JADE1: variants seen among roughly 807,000 people sequenced by gnomAD.
JADE1 encodes the protein jade family PHD finger 1, also known as protein Jade-1.
A neutral mutation model predicts 81.8 loss-of-function variants in JADE1; 14 were observed. The observed-to-expected ratio is 0.17, with a 90% CI of 0.11 to 0.27. JADE1 has a LOEUF of 0.27. Among genes scored for constraint, JADE1 ranks in the 10% least tolerant of loss-of-function variants. The pLI, the probability that JADE1 is intolerant of heterozygous loss-of-function variation, is 1.00. For synonymous variants in JADE1, 353 were observed against 391.9 expected, an observed-to-expected ratio of 0.90 and a Z score of 1.17; for missense variants, 690 against 1,047.9, an observed-to-expected ratio of 0.66 and a Z score of 4.71.
chr4:128,872,428 T>C lies in JADE1; in HGVS notation c.*166T>C. On this transcript the variant is annotated 3_prime_UTR_variant, in exon 11 of 11. Coordinates refer to ENST00000226319, the MANE Select transcript of JADE1 (RefSeq NM_199320.4). ...CAGAGTCATTTTTAAATCATTTTTG[T>C]GAGAAGTTTGTGTTATTTGCAACTT... 6.3e-6 allele frequency: 4 copies of C among 635,340 alleles called. No individual in the cohort carries two copies. The South Asian group carries it at 9.1e-5, about 14-fold the overall frequency. 39.4% of individuals were successfully genotyped at this position (635,340 alleles called of 1,614,324 possible).
At position 128,861,727 on chromosome 4, in the gene JADE1, A is replaced by G; in HGVS notation, c.1005A>G (p.Thr335=). 6.2e-7 allele frequency: 1 copy of G among 1,614,226 alleles called. No homozygotes were observed. Among genetic ancestry groups the G allele is most frequent in the African/African-American group, 1.3e-5 (1 of 75,070 alleles). The change falls in exon 9 of 11, where the codon ACA becomes ACG. Residue 335 remains threonine, a synonymous_variant. Transcript: ENST00000226319. ...AGTGCTCTGTGAAGAACTGCCGCACAGCCTTCCATGTGACCTGTGCTTTTG... is the reference window on the plus strand; with the variant it reads ...AGTGCTCTGTGAAGAACTGCCGCACGGCCTTCCATGTGACCTGTGCTTTTG... The part of the protein sequence containing the change: ...SIQCSVKNCR[T]AFHVTCAFDR...
chr4:128,863,952 T>G, intron 9 of JADE1: 1 of 982,666 alleles, frequency 1.0e-6, no homozygotes, highest in Non-Finnish European at 1.2e-6. Flanking sequence ...TTTTCTGTAC[T>G]TAAGTTACTC....
intron 9 of JADE1, chr4:128,863,801 C>G (rs1406182867): frequency 6.1e-6 from 6 of 985,330 alleles, no homozygotes; most frequent in Non-Finnish European, 7.2e-6. Flanking sequence ...CAGCCCGACA[C>G]CTGCTGTAAT....
At chr4:128,831,504 G>T in intron 1 of JADE1, 1 of 525,890 alleles carries the variant, frequency 1.9e-6, no homozygotes, top group Non-Finnish European at 3.4e-6. Context: ...ATCTTTGGGA[G>T]ACCTACTGAT....
At chr4:128,847,573 G>C (rs546675971) in intron 4 of JADE1, among the ~76,000 whole-genome samples, 29 of 152,326 alleles carry the variant, frequency 1.9e-4, no homozygotes, top group African/African-American at 5.8e-4. Flanking sequence ...CAGAGCCTGT[G>C]TCTGAGATGC....
chr4:128,821,338 G>C (rs750012974), intron 1 of JADE1, among the ~76,000 whole-genome samples: 58 of 152,216 alleles, frequency 3.8e-4, no homozygotes, highest in Non-Finnish European at 6.9e-4. Flanking sequence ...TATGTGCCTG[G>C]GGGTGTGGAA....
rs1372747553 is a variant in JADE1 at position 128,874,459 on chromosome 4, A to C, written c.*2197A>C. The stretch of plus-strand genomic sequence containing the variant: ...AGGTTGAAAAGCTTTCAAATGTTCC[A>C]AGTTATGCTGAACCAAAAAAAACAA... On this transcript the variant is annotated 3_prime_UTR_variant, in exon 11 of 11. Coordinates refer to ENST00000226319, the MANE Select transcript of JADE1 (RefSeq NM_199320.4). 3 of 152,492 alleles carry C rather than the reference A, an allele frequency of 2.0e-5. No homozygotes were observed. Among genetic ancestry groups the C allele is most frequent in the African/African-American group, 7.2e-5 (3 of 41,382 alleles). The allele number at this position is 152,492 out of a possible 1,614,324, so 9.4% of individuals were successfully genotyped here.
Position 128,874,788 on chromosome 4 carries a change from T to C in JADE1, c.*2526T>C, listed in dbSNP as rs1018609960. The C allele has an allele frequency of 1.2e-4, 18 of 152,758 alleles. No individual in the cohort carries two copies. Among genetic ancestry groups the C allele is most frequent in the African/African-American group, 4.3e-4 (18 of 41,572 alleles). The allele number at this position is 152,758 out of a possible 1,614,324, so 9.5% of individuals were successfully genotyped here. A position where few individuals can be genotyped will look rare whatever the true frequency, so the allele number is the denominator to read the frequency against. ...CCTGACCAAGAAATATCTTTGATTA[T>C]GATTAATGTATTATGTCAAAATGTA... is the stretch of plus-strand genomic sequence containing the variant. On this transcript the variant is annotated 3_prime_UTR_variant, in exon 11 of 11. Transcript: ENST00000226319.
intron 1 of JADE1, among the ~76,000 whole-genome samples, chr4:128,814,696 G>A (rs1365613569): frequency 6.6e-6 from 1 of 151,668 alleles, no homozygotes; most frequent in Non-Finnish European, 1.5e-5. Flanking sequence ...TGAGTAGCTG[G>A]GATTACAGGC....
rs1174361803 is a variant in JADE1, at chr4:128,834,335, A to T, written c.52+2525A>T. 2.0e-5 allele frequency among the ~76,000 whole-genome samples: 3 copies of T among 152,224 alleles called. No individual in the cohort carries two copies. In the East Asian group the frequency reaches 5.8e-4, roughly 29 times the overall value. On this transcript the variant is annotated intron_variant, in intron 2 of 10. Coordinates refer to ENST00000226319, the MANE Select transcript of JADE1 (RefSeq NM_199320.4). ...TACTTGGCCTTTCCTTTGCACAGGC[A>T]TCGCTGGTGTGCCTCAGTGTGACTA...
chr4:128,843,145 T>G (rs1455260908), intron 3 of JADE1, 107 bp downstream of exon 3: 2 of 847,958 alleles, frequency 2.4e-6, no homozygotes, highest in Non-Finnish European at 3.7e-6. Flanking sequence ...CAAATCCTTG[T>G]GCTCCAGTTT....
intron 5 of JADE1, among the ~76,000 whole-genome samples, chr4:128,849,942 G>T (rs1458454784): frequency 6.6e-6 from 1 of 152,108 alleles, no homozygotes; most frequent in East Asian, 1.9e-4. Flanking sequence ...TGTGCTGTAG[G>T]TACACGGTGG....
intron 2 of JADE1, among the ~76,000 whole-genome samples, chr4:128,840,816 TA>T (rs1729375625): frequency 6.6e-6 from 1 of 152,254 alleles, no homozygotes; most frequent in South Asian, 2.1e-4. Flanking sequence ...AGTATTTTTT[TA>T]AAGAAGAATT....
At chr4:128,829,010 G>A (rs1457376761) in intron 1 of JADE1, among the ~76,000 whole-genome samples, 3 of 152,124 alleles carry the variant, frequency 2.0e-5, no homozygotes, top group Non-Finnish European at 2.9e-5. Context: ...TGTTAGGAGT[G>A]AGTGGTCTTC....
rs1040830184 is a variant in JADE1 at position 128,846,615 on chromosome 4, T to A, written c.296+83T>A. On this transcript the variant is annotated intron_variant, in intron 4 of 10. Transcript: ENST00000226319. The surrounding 1 kb of genome is among the most constrained non-coding windows in gnomAD (Gnocchi z 4.0). ...AGCAGGCATCTGAGAAGAGACAATT[T>A]CTGTGGGAAGAGACAGTTTCTGAGT... 7.7e-6 allele frequency: 11 copies of A among 1,436,930 alleles called. No individual in the cohort carries two copies. Among genetic ancestry groups the A allele is most frequent in the Non-Finnish European group, 1.0e-5 (11 of 1,048,242 alleles). 89.0% of individuals were successfully genotyped at this position (1,436,930 alleles called of 1,614,324 possible). A position where few individuals can be genotyped will look rare whatever the true frequency, so the allele number is the denominator to read the frequency against.
At chr4:128,859,722 T>C (rs551475446) in intron 8 of JADE1, among the ~76,000 whole-genome samples, 1 of 152,350 alleles carries the variant, frequency 6.6e-6, no homozygotes, top group African/African-American at 2.4e-5. Flanking sequence ...TGGTCCATAA[T>C]TAATGTTTAA....
chr4:128,855,427 T>A (rs1022090819), intron 6 of JADE1, among the ~76,000 whole-genome samples: 3 of 152,196 alleles, frequency 2.0e-5, no homozygotes, highest in African/African-American at 7.2e-5. Context: ...TATGAATACA[T>A]ATTCACCTCC....
chr4:128,829,604 G>A (rs1004915513), intron 1 of JADE1, among the ~76,000 whole-genome samples: 5 of 152,072 alleles, frequency 3.3e-5, no homozygotes, highest in Non-Finnish European at 7.4e-5. Flanking sequence ...AATGACAAAA[G>A]ACATTACAGG....
At position 128,849,017 on chromosome 4, in the gene JADE1, C is replaced by T. The variant is rs1171327119; in HGVS notation, c.334C>T (p.Pro112Ser). 6.2e-7 allele frequency: 1 copy of T among 1,613,974 alleles called. No individual in the cohort carries two copies. Among genetic ancestry groups the T allele is most frequent in the South Asian group, 1.1e-5 (1 of 91,046 alleles). Residue 112 changes from proline (P) to serine (S), a missense_variant, in exon 5 of 11, where the codon CCC (proline) becomes TCC (serine). Physicochemically the swap from Pro to Ser is moderately conservative, Grantham distance 74. This residue lies in a region of JADE1 where 98 missense variants were observed against 161.3 expected (regional missense o/e 0.61). Coordinates refer to ENST00000226319, the MANE Select transcript of JADE1 (RefSeq NM_199320.4). Reference protein sequence around the residue: ...SEEKSLMFIRPKKYIVSSGSE... With the variant: ...SEEKSLMFIRSKKYIVSSGSE... ...AGAGAAATCCCTCATGTTCATCAGGCCCAAGAAGTACATCGTGTCATCAGG... is the reference window on the plus strand; with the variant it reads ...AGAGAAATCCCTCATGTTCATCAGGTCCAAGAAGTACATCGTGTCATCAGG...
Sources: allele counts gnomAD v4.1 joint callset (sites outside exome capture counted in the v4.1 genomes callset), GRCh38; gene constraint gnomAD v4.1.1; regional missense constraint gnomAD v4.1.1; non-coding constraint Gnocchi (gnomAD v3.1); transcripts MANE v1.5; gene names NCBI Gene and HGNC (gene_info 2026-07-23, HGNC 2026-07-21).